KIF27: variants seen among roughly 807,000 people sequenced by gnomAD.
The protein encoded by KIF27 is kinesin family member 27, also known as kinesin-like protein KIF27.
A neutral mutation model predicts 141.8 loss-of-function variants in KIF27; 84 were observed. That is an observed-to-expected ratio of 0.59 (90% CI 0.50 to 0.71). The LOEUF (loss-of-function observed/expected upper bound fraction) is 0.71. KIF27 is among the 30% of genes least tolerant of loss of function. KIF27 has a pLI of 0.00. For synonymous variants in KIF27, 471 were observed against 569.5 expected (o/e 0.83, Z 2.46); for missense variants, 1,306 against 1,628.4 (o/e 0.80, Z 3.41).
chr9:83,858,022 C>T lies in KIF27; in HGVS notation c.3150+1134G>A, dbSNP rs2780156. On this transcript the variant is annotated intron_variant, in intron 14 of 17. Coordinates refer to ENST00000297814, the MANE Select transcript of KIF27 (RefSeq NM_017576.4). ...TTCTATAGAGCTTAGTAATAGTCAC[C>T]GGCAGGCAGAATTCCTTAAATATTT... is the stretch of plus-strand genomic sequence containing the variant. Among the ~76,000 whole-genome samples the T allele has an allele frequency of 9.4e-5, 14 of 149,454 alleles. No individual in the cohort carries two copies. The East Asian group carries it at 2.0e-3, about 21-fold the overall frequency.
intron 1 of KIF27, among the ~76,000 whole-genome samples, 184 bp downstream of exon 1, chr9:83,921,187 G>A (rs1448418637): frequency 2.0e-5 from 3 of 152,016 alleles, no homozygotes; most frequent in African/African-American, 7.2e-5. Flanking sequence ...GGCCTAGCTG[G>A]CGCCCCAACC....
chr9:83,886,040 T>A (rs1033953364), intron 9 of KIF27, among the ~76,000 whole-genome samples: 4 of 152,068 alleles, frequency 2.6e-5, no homozygotes, highest in Non-Finnish European at 5.9e-5. Flanking sequence ...ACATATGTGC[T>A]ATGCATCATC....
At chr9:83,875,900 T>G (rs1010238072) in intron 11 of KIF27, among the ~76,000 whole-genome samples, 5 of 151,574 alleles carry the variant, frequency 3.3e-5, no homozygotes, top group African/African-American at 7.3e-5. Context: ...ACTTTTCCAA[T>G]AAGTTTGGTT....
chr9:83,844,817 T>G (rs190418180), intron 16 of KIF27, among the ~76,000 whole-genome samples: 1 of 152,320 alleles, frequency 6.6e-6, no homozygotes, highest in East Asian at 1.9e-4. Flanking sequence ...TGTCGAAATA[T>G]TCCTTCTAAG....
rs1310130356 is a variant in KIF27 at position 83,903,983 on chromosome 9, C to T, written c.535G>A (p.Ala179Thr). ...VGAKECHVES[A>T]GEVMSLLEMG... ...TCCAAAAGACTCATCACTTCACCTG[C>T]ACTCTCCACATGGCATTCCTTGGCC... The change falls in exon 4 of 18, where the codon GCA becomes ACA. Residue 179 changes from alanine to threonine, a missense_variant. Physicochemically the swap from Ala to Thr is moderately conservative, Grantham distance 58. Transcript: ENST00000297814. 6.2e-7 allele frequency: 1 copy of T among 1,613,190 alleles called. No homozygotes were observed. Among genetic ancestry groups the T allele is most frequent in the Non-Finnish European group, 8.5e-7 (1 of 1,179,530 alleles).
intron 5 of KIF27, among the ~76,000 whole-genome samples, chr9:83,893,140 A>T (rs1952837775): frequency 1.3e-5 from 2 of 152,140 alleles, no homozygotes; most frequent in African/African-American, 4.8e-5. Context: ...AGGAGGCTGA[A>T]GTGGGAGGAC....
chr9:83,896,878 G>A (rs969780628), intron 5 of KIF27, among the ~76,000 whole-genome samples: 4 of 152,184 alleles, frequency 2.6e-5, no homozygotes, highest in African/African-American at 9.6e-5. Context: ...CAAATCCATA[G>A]AAGTAGAAAG....
At chr9:83,902,725 T>C (rs1954052435) in intron 4 of KIF27, among the ~76,000 whole-genome samples, 2 of 152,136 alleles carry the variant, frequency 1.3e-5, no homozygotes, top group Non-Finnish European at 1.5e-5. Flanking sequence ...CAAAGTTCTA[T>C]TTAATAAATA....
At chr9:83,848,093 G>C (rs899260945) in intron 16 of KIF27, among the ~76,000 whole-genome samples, 17 of 58,668 alleles carry the variant, frequency 2.9e-4, no homozygotes, top group African/African-American at 7.0e-4. Flanking sequence ...TCATATATAT[G>C]ATATATATGA....
In KIF27 at chr9:83,859,189, T is replaced by G. The variant is rs1450841205; in HGVS notation, c.3117A>C (p.Glu1039Asp). Residue 1039 changes from glutamate (E) to aspartate (D), a missense_variant, in exon 14 of 18, where the codon GAA becomes GAC. By Grantham distance (45) the Glu-to-Asp change is conservative (BLOSUM62 2). This residue lies in a region of KIF27 where 596 missense variants were observed against 751.6 expected (regional missense o/e 0.79). Coordinates refer to ENST00000297814, the MANE Select transcript of KIF27 (RefSeq NM_017576.4). ...QLQKRRHNVDEKLKNGRVLSP... is the reference protein window; with the variant it reads ...QLQKRRHNVDDKLKNGRVLSP... ...ATAACACTCTACCATTTTTAAGTTTTTCATCCACATTGTGTCTGCGTTTCT... is the reference window on the plus strand; with the variant it reads ...ATAACACTCTACCATTTTTAAGTTTGTCATCCACATTGTGTCTGCGTTTCT... 1.9e-6 allele frequency: 3 copies of G among 1,613,246 alleles called. No individual in the cohort carries two copies. The highest frequency in any genetic ancestry group is 1.7e-5 in the Admixed American group (1 of 60,028).
intron 9 of KIF27, among the ~76,000 whole-genome samples, chr9:83,885,242 G>A (rs1488103198): frequency 2.0e-5 from 3 of 152,076 alleles, no homozygotes; most frequent in East Asian, 1.9e-4. Flanking sequence ...ACAGGCACAC[G>A]CCACCATGCC....
chr9:83,849,942 CA>C (rs1030035283), intron 16 of KIF27, among the ~76,000 whole-genome samples, 156 bp downstream of exon 16: 2 of 152,172 alleles, frequency 1.3e-5, no homozygotes, highest in Non-Finnish European at 2.9e-5. Context: ...TCAACTGTCC[CA>C]AAATGCGGCA....
chr9:83,881,482 C>A (rs1197460280), intron 10 of KIF27, among the ~76,000 whole-genome samples: 1 of 152,170 alleles, frequency 6.6e-6, no homozygotes, highest in Non-Finnish European at 1.5e-5. Flanking sequence ...TAGAGCAGTG[C>A]TACTCAAAAT....
intron 2 of KIF27, among the ~76,000 whole-genome samples, chr9:83,913,340 T>A (rs1461351289): frequency 6.6e-6 from 1 of 152,082 alleles, no homozygotes; most frequent in East Asian, 1.9e-4. Context: ...AAGAAAACAT[T>A]ATTTGCATGG....
intron 3 of KIF27, among the ~76,000 whole-genome samples, chr9:83,908,023 G>A (rs1248230679): frequency 1.3e-5 from 2 of 152,150 alleles, no homozygotes; most frequent in African/African-American, 4.8e-5. Context: ...CAGCACTTTG[G>A]GAGGCTGAGG....
intron 13 of KIF27, among the ~76,000 whole-genome samples, chr9:83,866,919 A>G (rs1399405316): frequency 6.6e-6 from 1 of 151,916 alleles, no homozygotes; most frequent in African/African-American, 2.4e-5. Context: ...TTATGTAACC[A>G]TCACCACAAT....
intron 1 of KIF27, among the ~76,000 whole-genome samples, chr9:83,918,766 C>A (rs1168745136): frequency 6.6e-6 from 1 of 151,938 alleles, no homozygotes; most frequent in South Asian, 2.1e-4. Flanking sequence ...CATGGTGTAA[C>A]CCCATTGCTA....
intron 5 of KIF27, among the ~76,000 whole-genome samples, chr9:83,897,883 C>G (rs1212729294): frequency 2.6e-5 from 4 of 151,930 alleles, no homozygotes; most frequent in African/African-American, 4.8e-5. Flanking sequence ...GAAATGCAAA[C>G]TAAAGCCACA....
chr9:83,839,911 C>A lies in KIF27; in HGVS notation c.3721+2326G>T, dbSNP rs181572980. On this transcript the variant is annotated intron_variant, in intron 17 of 17. Coordinates refer to ENST00000297814, the MANE Select transcript of KIF27 (RefSeq NM_017576.4). ...TGAGCTGAGATAGCACCACTGCACT[C>A]CAGCCTGGGTAACAAGAGTGAAACT... Among the ~76,000 whole-genome samples the A allele has an allele frequency of 4.6e-3, 707 of 152,238 alleles. 3 individuals carry two copies. Among genetic ancestry groups the A allele is most frequent in the African/African-American group, 0.016 (674 of 41,540 alleles).
Sources: allele counts gnomAD v4.1 joint callset (sites outside exome capture counted in the v4.1 genomes callset), GRCh38; gene constraint gnomAD v4.1.1; regional missense constraint gnomAD v4.1.1; transcripts MANE v1.5; gene names NCBI Gene and HGNC (gene_info 2026-07-23, HGNC 2026-07-21).